Variants in CES1 observed in about 807,000 individuals in gnomAD.
The protein encoded by CES1 is carboxylesterase 1.
In CES1, 50 loss-of-function variants were observed where a neutral mutation model predicts 53.0. The ratio of observed to expected loss-of-function variants is 0.94; its 90% CI spans 0.75 to 1.19. The LOEUF (loss-of-function observed/expected upper bound fraction) is 1.19. Among genes scored for constraint, CES1 ranks in the 50% most tolerant of loss-of-function variants. CES1 has a pLI of 0.00. For synonymous variants in CES1, 202 were observed against 210.1 expected (o/e 0.96, Z 0.33); for missense variants, 534 against 538.0 (o/e 0.99, Z 0.07).
chr16:55,822,500 G>A (rs1315830031), intron 4 of CES1, among the ~76,000 whole-genome samples: 1 of 152,188 alleles, frequency 6.6e-6, no homozygotes, highest in Non-Finnish European at 1.5e-5. Context: ...AGGCGTGGTG[G>A]GAGGAGAAGG....
chr16:55,812,004 C>G (rs2031720120), intron 9 of CES1, among the ~76,000 whole-genome samples: 1 of 152,194 alleles, frequency 6.6e-6, no homozygotes, highest in East Asian at 1.9e-4. Flanking sequence ...GTCACATGAA[C>G]CAAGCCTCTC....
Position 55,826,273 on chromosome 16 carries a change from C to G in CES1, c.283G>C (p.Gly95Arg). 6.2e-7 allele frequency: 1 copy of G among 1,613,976 alleles called. No homozygotes were observed. Among genetic ancestry groups the G allele is most frequent in the South Asian group, 1.1e-5 (1 of 91,072 alleles). ...PPMCTQDPKA[G>R]QLLSELFTNR... ...GTAAATAGCTCTGAGAGTAACTGCC[C>G]CGCCTTGGGATCTTGGGTGCACCTG... is the stretch of plus-strand genomic sequence containing the variant. Residue 95 changes from glycine to arginine, a missense_variant, in exon 3 of 14, where the codon GGG (glycine) becomes CGG (arginine). Gly to Arg is a moderately radical substitution (Grantham distance 125). Coordinates refer to ENST00000360526, the MANE Select transcript of CES1 (RefSeq NM_001025195.2).
In CES1 at chr16:55,810,649, G is replaced by T. The variant is rs1294920085; in HGVS notation, c.1186C>A (p.Leu396Met). 3 of 1,614,214 alleles carry T rather than the reference G, an allele frequency of 1.9e-6. No individual in the cohort carries two copies. Among genetic ancestry groups the T allele is most frequent in the Non-Finnish European group, 2.5e-6 (3 of 1,180,034 alleles). Residue 396 changes from leucine to methionine, a missense_variant, in exon 11 of 14, where the codon CTG (leucine) becomes ATG (methionine). Leu to Met is a conservative substitution (Grantham distance 15). Around this residue, in one of 5 missense-constraint regions of CES1, gnomAD observed 269 missense variants for 206.6 expected, o/e 1.30. Transcript: ENST00000360526. ...TATTTCTCAGTGGCTTCTGGAATCA[G>T]TTCCTTAGCAATGCACTGAAATAGA... Reference protein sequence around the residue: ...SYPLVCIAKELIPEATEKYLG... With the variant: ...SYPLVCIAKEMIPEATEKYLG...
chr16:55,812,869 GT>G, intron 9 of CES1, 33 bp downstream of exon 9: 1 of 1,613,212 alleles, frequency 6.2e-7, no homozygotes, highest in Non-Finnish European at 8.5e-7. Context: ...GATGGGGGTG[GT>G]TGAGTCCCTC....
chr16:55,812,654 C>A (rs148222894), intron 9 of CES1, among the ~76,000 whole-genome samples: 2 of 152,170 alleles, frequency 1.3e-5, no homozygotes, highest in South Asian at 4.1e-4. Flanking sequence ...CCTCCCAGCA[C>A]AGACACTTCA....
At chr16:55,815,840 T>C (rs1316469249) in intron 8 of CES1, among the ~76,000 whole-genome samples, 2 of 152,242 alleles carry the variant, frequency 1.3e-5, no homozygotes, top group Non-Finnish European at 2.9e-5. Flanking sequence ...GTGACTCCTC[T>C]GTTCAAAACC....
intron 7 of CES1, among the ~76,000 whole-genome samples, chr16:55,818,711 C>T (rs2032051641): frequency 6.6e-6 from 1 of 151,872 alleles, no homozygotes; most frequent in Non-Finnish European, 1.5e-5. Flanking sequence ...TGTTTTGCTA[C>T]CTCTAACACC....
intron 1 of CES1, among the ~76,000 whole-genome samples, chr16:55,830,538 A>T (rs1286341014): frequency 6.6e-6 from 1 of 152,164 alleles, no homozygotes; most frequent in African/African-American, 2.4e-5. Flanking sequence ...GGCACAGTGG[A>T]TCACCTGTAA....
intron 7 of CES1, among the ~76,000 whole-genome samples, chr16:55,818,561 C>T (rs1232838928): frequency 2.0e-5 from 3 of 152,020 alleles, no homozygotes; most frequent in African/African-American, 7.3e-5. Flanking sequence ...CTGGCTCCTC[C>T]GCCTTCTCTG....
Position 55,829,175 on chromosome 16 carries a change from T to C in CES1, c.53-201A>G, listed in dbSNP as rs28503937. On this transcript the variant is annotated intron_variant, in intron 1 of 13. Coordinates refer to ENST00000360526, the MANE Select transcript of CES1 (RefSeq NM_001025195.2). ...AGCTGGTTTAATGGGCAAACTAGAA[T>C]TGGAGGCATAAAAACATCCAGCTAA... Among the ~76,000 whole-genome samples the C allele has an allele frequency of 0.019, 2,937 of 152,088 alleles. 110 individuals carry two copies. The highest frequency in any genetic ancestry group is 0.068 in the African/African-American group (2,803 of 41,380).
intron 8 of CES1, among the ~76,000 whole-genome samples, chr16:55,816,064 C>T (rs1225536894): frequency 6.6e-6 from 1 of 152,292 alleles, no homozygotes; most frequent in Non-Finnish European, 1.5e-5. Flanking sequence ...CTTCCTGCCT[C>T]CTCCAGAGCT....
At chr16:55,810,703 G>A in intron 10 of CES1, 39 bp from the exon 11 acceptor site, 1 of 1,612,182 alleles carries the variant, frequency 6.2e-7, no homozygotes, top group Non-Finnish European at 8.5e-7. Context: ...CCCCGGGTGA[G>A]CGATGCAGCT....
intron 1 of CES1, among the ~76,000 whole-genome samples, chr16:55,830,819 A>AAGGCAGGCAGGCAGGCAGGC (rs57294788): frequency 9.5e-4 from 121 of 127,354 alleles, no homozygotes; most frequent in Middle Eastern, 4.0e-3. Context: ...GGAAGGAAGG[A>AAGGCAGGCAGGCAGGCAGGC]AGGCAGGCAG....
chr16:55,821,649 C>T (rs2032203549), intron 4 of CES1, 128 bp from the exon 5 acceptor site: 2 of 1,006,610 alleles, frequency 2.0e-6, no homozygotes, highest in Non-Finnish European at 3.0e-6. Context: ...ATCTCTGAGA[C>T]CCTGCTTTCA....
At chr16:55,826,644 G>T (rs1364580625) in intron 2 of CES1, among the ~76,000 whole-genome samples, 1 of 152,208 alleles carries the variant, frequency 6.6e-6, no homozygotes, top group East Asian at 1.9e-4. Context: ...GACAACATCA[G>T]GAGAATTGTG....
chr16:55,820,091 C>G lies in CES1; in HGVS notation c.801+281G>C, dbSNP rs865868303. The G allele has an allele frequency of 2.8e-4, 166 of 599,328 alleles. 1 individual carries two copies. The highest frequency in any genetic ancestry group is 9.2e-4 in the Middle Eastern group (2 of 2,176). The allele number at this position is 599,328 out of a possible 1,614,324, so 37.1% of individuals were successfully genotyped here. A position where few individuals can be genotyped will look rare whatever the true frequency, so the allele number is the denominator to read the frequency against. On this transcript the variant is annotated intron_variant, in intron 6 of 13. Coordinates refer to ENST00000360526, the MANE Select transcript of CES1 (RefSeq NM_001025195.2). Reference sequence around the variant, plus strand: ...GAGGAGTGTGGTCACAGATAGGGCACTGTACTGGCTGCTAGGGCCATGAGC... The same window carrying G: ...GAGGAGTGTGGTCACAGATAGGGCAGTGTACTGGCTGCTAGGGCCATGAGC...
rs779803009 is a variant in CES1, at chr16:55,810,566, T to A, written c.1269A>T (p.Ala423=). The A allele has an allele frequency of 5.8e-5, 94 of 1,614,210 alleles. 4 individuals carry two copies. In the South Asian group the frequency reaches 1.0e-3, roughly 17 times the overall value. ...CAGATGGGACACCAAACATCACATCTGCTATCAAGTCCAGGAACAGGTCTT... is the reference window on the plus strand; with the variant it reads ...CAGATGGGACACCAAACATCACATCAGCTATCAAGTCCAGGAACAGGTCTT... ...KKKDLFLDLI[A]DVMFGVPSVI... is the part of the protein sequence containing the mutation. The change falls in exon 11 of 14, where the codon GCA becomes GCT. Residue 423 remains alanine, a synonymous_variant. Coordinates refer to ENST00000360526, the MANE Select transcript of CES1 (RefSeq NM_001025195.2).
At chr16:55,823,432 T>C (rs1168123958) in intron 4 of CES1, 118 bp downstream of exon 4, 4 of 1,199,908 alleles carry the variant, frequency 3.3e-6, no homozygotes, top group South Asian at 1.3e-5. Context: ...ACGAAGGGGC[T>C]TGGATGCCTT....
At chr16:55,830,825 G>GGAAGGTAA (rs2032631695) in intron 1 of CES1, among the ~76,000 whole-genome samples, 2 of 145,026 alleles carry the variant, frequency 1.4e-5, no homozygotes, top group Non-Finnish European at 3.1e-5. Flanking sequence ...AAGGAAGGCA[G>GGAAGGTAA]GCAGGCAGGC....
Sources: allele counts gnomAD v4.1 joint callset (sites outside exome capture counted in the v4.1 genomes callset), GRCh38; gene constraint gnomAD v4.1.1; regional missense constraint gnomAD v4.1.1; transcripts MANE v1.5; gene names NCBI Gene and HGNC (gene_info 2026-07-23, HGNC 2026-07-21).